ADGRG7: variants seen among roughly 807,000 people sequenced by gnomAD.
ADGRG7 encodes the protein G-protein coupled receptor 128.
Under a neutral mutation model 88.6 loss-of-function variants are expected in ADGRG7, and 82 were observed. The ratio of observed to expected loss-of-function variants is 0.93; its 90% CI spans 0.77 to 1.11. The LOEUF is 1.11. Ranked by LOEUF, ADGRG7 falls within the 50% of genes most tolerant of loss-of-function variation. The pLI is 0.00. For missense variants in ADGRG7, 945 were observed against 953.4 expected (o/e 0.99, Z 0.12); for synonymous variants, 381 against 345.2 (o/e 1.10, Z -1.15).
At chr3:100,662,326 T>C (rs1459399388) in intron 14 of ADGRG7, among the ~76,000 whole-genome samples, 1 of 152,154 alleles carries the variant, frequency 6.6e-6, no homozygotes, top group Non-Finnish European at 1.5e-5. Flanking sequence ...ACACAGATTA[T>C]TTAGTAATGA....
In ADGRG7 at chr3:100,679,174, A is replaced by G. The variant is rs532433650; in HGVS notation, c.2136+10069A>G. Among the ~76,000 whole-genome samples the G allele has an allele frequency of 3.3e-5, 5 of 152,252 alleles. No homozygotes were observed. The South Asian group carries it at 1.0e-3, about 32-fold the overall frequency. ...GCTGAGCTGGCACTCAAACCACAAGACAAAGTCCTTCCCACTCTCCCCATC... is the reference window on the plus strand; with the variant it reads ...GCTGAGCTGGCACTCAAACCACAAGGCAAAGTCCTTCCCACTCTCCCCATC... On this transcript the variant is annotated intron_variant, in intron 15 of 15. Transcript: ENST00000273352.
chr3:100,618,135 G>C (rs2149012044), intron 1 of ADGRG7, among the ~76,000 whole-genome samples: 1 of 152,284 alleles, frequency 6.6e-6, no homozygotes, highest in South Asian at 2.1e-4. Flanking sequence ...CAGATGAGTA[G>C]ATTGCAAAAA....
intron 1 of ADGRG7, among the ~76,000 whole-genome samples, chr3:100,621,320 A>G (rs1707308791): frequency 6.6e-6 from 1 of 152,236 alleles, no homozygotes; most frequent in Non-Finnish European, 1.5e-5. Context: ...AAGCTGAGAA[A>G]GCAGAAAGCT....
At chr3:100,674,189 A>G (rs968078259) in intron 15 of ADGRG7, among the ~76,000 whole-genome samples, 7 of 152,104 alleles carry the variant, frequency 4.6e-5, no homozygotes, top group African/African-American at 1.7e-4. Flanking sequence ...TTTCATTACT[A>G]TAGCTCTGTA....
At chr3:100,683,578 A>G (rs572514676) in intron 15 of ADGRG7, among the ~76,000 whole-genome samples, 1 of 152,274 alleles carries the variant, frequency 6.6e-6, no homozygotes, top group South Asian at 2.1e-4. Flanking sequence ...GCCGGACCCC[A>G]TGCTTGCTTA....
At chr3:100,639,820 G>A (rs1447905033) in intron 6 of ADGRG7, among the ~76,000 whole-genome samples, 1 of 152,078 alleles carries the variant, frequency 6.6e-6, no homozygotes, top group Non-Finnish European at 1.5e-5. Flanking sequence ...ATATATAAAG[G>A]AAAATACAAT....
intron 1 of ADGRG7, among the ~76,000 whole-genome samples, chr3:100,629,136 C>T (rs1396588919): frequency 2.0e-5 from 3 of 152,102 alleles, no homozygotes; most frequent in African/African-American, 7.2e-5. Flanking sequence ...CCATTTTCAT[C>T]TGGTTTTTCA....
At chr3:100,654,660 A>G (rs1486123186) in intron 11 of ADGRG7, 175 bp from the exon 12 acceptor site, 2 of 527,258 alleles carry the variant, frequency 3.8e-6, no homozygotes, top group African/African-American at 3.9e-5. Flanking sequence ...ATAAGAGGAA[A>G]GTATAGTTTT....
chr3:100,661,551 A>T (rs1468840584), intron 14 of ADGRG7, among the ~76,000 whole-genome samples: 2 of 152,228 alleles, frequency 1.3e-5, no homozygotes, highest in Non-Finnish European at 2.9e-5. Flanking sequence ...TTTTTAAATG[A>T]TGACAGAGAA....
chr3:100,685,413 T>C (rs912379129), intron 15 of ADGRG7, among the ~76,000 whole-genome samples: 2 of 152,170 alleles, frequency 1.3e-5, no homozygotes, highest in East Asian at 3.8e-4. Context: ...TTAGGGTACA[T>C]GTGCACAACG....
At chr3:100,621,929 G>C (rs1453961452) in intron 1 of ADGRG7, among the ~76,000 whole-genome samples, 1 of 152,184 alleles carries the variant, frequency 6.6e-6, no homozygotes, top group Non-Finnish European at 1.5e-5. Context: ...ATTCACCAGT[G>C]GTTTCGAGAT....
intron 7 of ADGRG7, 56 bp downstream of exon 7, chr3:100,643,461 T>C (rs1707680593): frequency 1.2e-6 from 2 of 1,609,052 alleles, no homozygotes; most frequent in South Asian, 2.2e-5. Context: ...CTACTGATGA[T>C]GAATAATAAT....
intron 14 of ADGRG7, among the ~76,000 whole-genome samples, chr3:100,662,079 A>G (rs1371946350): frequency 1.3e-5 from 2 of 152,196 alleles, no homozygotes; most frequent in Non-Finnish European, 2.9e-5. Context: ...TCACTAGTCC[A>G]CATATGGATT....
At chr3:100,671,856 A>C (rs2094959041) in intron 15 of ADGRG7, among the ~76,000 whole-genome samples, 3 of 152,174 alleles carry the variant, frequency 2.0e-5, no homozygotes, top group Admixed American at 2.0e-4. Context: ...GTCAAAGGTC[A>C]GATGGTTGTA....
chr3:100,618,534 A>C (rs6441369), intron 1 of ADGRG7, among the ~76,000 whole-genome samples: 142,991 of 152,162 alleles, frequency 0.94, 67,856 homozygotes, highest in East Asian at 1. Context: ...TGTAGATATG[A>C]GGCATCATTT....
In ADGRG7 at chr3:100,694,865, C is replaced by A; in HGVS notation, c.2258C>A (p.Pro753Gln). Residue 753 changes from proline to glutamine, a missense_variant, in exon 16 of 16, where the codon CCG (proline) becomes CAG (glutamine). Coordinates refer to ENST00000273352, the MANE Select transcript of ADGRG7 (RefSeq NM_032787.3). ...RRKSLPSVTR[P>Q]RLRVKMYNFL... ...AAGTCATTGCCTTCAGTGACGCGGC[C>A]GAGGCTGCGTGTAAAGATGTATAAT... is the stretch of plus-strand genomic sequence containing the variant. The A allele has an allele frequency of 1.2e-6, 2 of 1,614,070 alleles. No individual in the cohort carries two copies. Among genetic ancestry groups the A allele is most frequent in the South Asian group, 1.1e-5 (1 of 91,078 alleles).
intron 14 of ADGRG7, chr3:100,664,915 C>A (rs1031812355): frequency 1.2e-5 from 4 of 327,980 alleles, no homozygotes; most frequent in Non-Finnish European, 2.4e-5. Flanking sequence ...AAACTTTGCA[C>A]AAATGAAGAA....
chr3:100,659,684 A>G lies in ADGRG7; in HGVS notation c.1824-4A>G, dbSNP rs752656857. 3.1e-6 allele frequency: 5 copies of G among 1,607,960 alleles called. No individual in the cohort carries two copies. Among genetic ancestry groups the G allele is most frequent in the Non-Finnish European group, 4.2e-6 (5 of 1,178,164 alleles). On this transcript the variant is annotated splice_region_variant and splice_polypyrimidine_tract_variant and intron_variant, in intron 13 of 15. Coordinates refer to ENST00000273352, the MANE Select transcript of ADGRG7 (RefSeq NM_032787.3). ...GCTGAAGCAATTTTTTTTTTCCTCC[A>G]CAGCTGCTGGCTGGCAATTCCAGAA...
chr3:100,652,843 C>T (rs112761548), intron 11 of ADGRG7, among the ~76,000 whole-genome samples: 59 of 151,932 alleles, frequency 3.9e-4, no homozygotes, highest in African/African-American at 1.4e-3. Context: ...TAAACAAGGC[C>T]GGCCTGCAGA....
Sources: gnomAD v4.1 joint callset for allele counts (sites outside exome capture counted in the v4.1 genomes callset) on GRCh38, gnomAD v4.1.1 for gene constraint, MANE v1.5 for transcripts, NCBI Gene and HGNC (gene_info 2026-07-23, HGNC 2026-07-21) for gene names.